The following STK3 variants were observed in gnomAD, a reference collection of about 807,000 sequenced individuals.
STK3 encodes the protein serine/threonine kinase 3.
A neutral mutation model predicts 58.0 loss-of-function variants in STK3; 41 were observed. The ratio of observed to expected loss-of-function variants is 0.71; its 90% confidence interval spans 0.55 to 0.92. The LOEUF is 0.92. Among genes scored for constraint, STK3 ranks in the 40% least tolerant of loss-of-function variants. The probability of loss-of-function intolerance (pLI) is 0.00; values close to 1 mark genes in which losing one functional copy is unlikely to be tolerated. For missense variants in STK3, 479 were observed against 602.7 expected, an observed-to-expected ratio of 0.79 and a Z score of 2.15; for synonymous variants, 170 against 191.0, an observed-to-expected ratio of 0.89 and a Z score of 0.91.
chr8:98,687,069 G>A (rs768798238), intron 6 of STK3, among the ~76,000 whole-genome samples: 31 of 152,036 alleles, frequency 2.0e-4, no homozygotes, highest in Non-Finnish European at 3.7e-4. Context: ...GCAGATACAA[G>A]AAATCCAGAT....
intron 6 of STK3, among the ~76,000 whole-genome samples, chr8:98,665,450 G>A (rs1273955311): frequency 6.6e-6 from 1 of 152,180 alleles, no homozygotes; most frequent in Non-Finnish European, 1.5e-5. Context: ...AGGCTGGAGT[G>A]CAGTGGCACA....
intron 3 of STK3, among the ~76,000 whole-genome samples, chr8:98,855,185 T>C (rs888361180): frequency 2.6e-5 from 4 of 152,228 alleles, no homozygotes; most frequent in African/African-American, 4.8e-5. Flanking sequence ...CTTAAATTCA[T>C]ATAGAGTTCA....
upstream of STK3, among the ~76,000 whole-genome samples, chr8:98,829,418 A>G (rs780481240): frequency 2.0e-4 from 30 of 152,224 alleles, no homozygotes; most frequent in Non-Finnish European, 3.7e-4. Context: ...ACACCCATAA[A>G]GAATTGTGGA....
intron 4 of STK3, among the ~76,000 whole-genome samples, chr8:98,720,690 G>A (rs577429555): frequency 2.9e-4 from 43 of 146,046 alleles, no homozygotes; most frequent in Non-Finnish European, 5.5e-4. Context: ...GGTGGAGCTT[G>A]TAGTGAGCAT....
chr8:98,680,868 T>C (rs1166183933), intron 6 of STK3, among the ~76,000 whole-genome samples: 1 of 151,978 alleles, frequency 6.6e-6, no homozygotes, highest in Non-Finnish European at 1.5e-5. Context: ...TTGAAATACA[T>C]AATAGAGTAT....
chr8:98,524,090 C>G (rs1260201403), intron 10 of STK3, among the ~76,000 whole-genome samples: 1 of 152,202 alleles, frequency 6.6e-6, no homozygotes, highest in Non-Finnish European at 1.5e-5. Flanking sequence ...GTTTTCCCAG[C>G]ACGATTTGCT....
chr8:98,387,563 ACATGGAGAAAC>A (rs1817802469), intron 1 of STK3, among the ~76,000 whole-genome samples: 1 of 152,212 alleles, frequency 6.6e-6, no homozygotes, highest in Non-Finnish European at 1.5e-5. Flanking sequence ...AGCCTGACCA[ACATGGAGAAAC>A]CCCGTCTCTA....
intron 10 of STK3, among the ~76,000 whole-genome samples, chr8:98,501,048 T>G (rs1200208661): frequency 6.6e-6 from 1 of 152,186 alleles, no homozygotes; most frequent in Non-Finnish European, 1.5e-5. Context: ...CGTTCCTATT[T>G]CTCTACATCC....
intron 3 of STK3, among the ~76,000 whole-genome samples, chr8:98,761,043 C>G (rs557541144): frequency 6.6e-6 from 1 of 152,028 alleles, no homozygotes; most frequent in Admixed American, 6.5e-5. Context: ...TGGAATCAAT[C>G]TAAGTGTCCA....
chr8:98,701,139 C>T (rs1006418651), intron 6 of STK3, among the ~76,000 whole-genome samples: 2 of 139,592 alleles, frequency 1.4e-5, no homozygotes, highest in Non-Finnish European at 3.1e-5. Context: ...CACTGCACTC[C>T]TTCCTGCCTG....
intron 1 of STK3, among the ~76,000 whole-genome samples, chr8:98,806,112 A>G (rs1447528000): frequency 6.6e-6 from 1 of 152,248 alleles, no homozygotes; most frequent in Non-Finnish European, 1.5e-5. Flanking sequence ...TATGAATTCC[A>G]TAAAGATATG....
intron 8 of STK3, among the ~76,000 whole-genome samples, chr8:98,577,521 T>A (rs1216408771): frequency 2.6e-5 from 4 of 151,962 alleles, no homozygotes; most frequent in Non-Finnish European, 5.9e-5. Flanking sequence ...ATAAATAGAA[T>A]GTGGCAGAAG....
intron 9 of STK3, among the ~76,000 whole-genome samples, chr8:98,538,422 A>C (rs761896882): frequency 2.8e-4 from 43 of 152,336 alleles, no homozygotes; most frequent in Middle Eastern, 6.8e-3. Flanking sequence ...ACCTGCACAA[A>C]GGTTAAAGAG....
At chr8:98,733,030 T>C (rs1389716670) in intron 4 of STK3, among the ~76,000 whole-genome samples, 1 of 152,190 alleles carries the variant, frequency 6.6e-6, no homozygotes, top group Non-Finnish European at 1.5e-5. Flanking sequence ...ACATTCTTCT[T>C]TGGGTAACCT....
At chr8:98,384,382 C>T (rs983905611) in intron 1 of STK3, among the ~76,000 whole-genome samples, 61 of 152,188 alleles carry the variant, frequency 4.0e-4, no homozygotes, top group African/African-American at 1.5e-3. Flanking sequence ...TTACTCCATT[C>T]TTTTGTTGCT....
At chr8:98,773,417 ACTTT>A (rs1831449465) in intron 2 of STK3, among the ~76,000 whole-genome samples, 1 of 152,052 alleles carries the variant, frequency 6.6e-6, no homozygotes, top group Admixed American at 6.5e-5. Context: ...TGCTACTATT[ACTTT>A]CTGTTTTTTT....
intron 3 of STK3, among the ~76,000 whole-genome samples, chr8:98,845,977 G>T (rs1836185144): frequency 6.6e-6 from 1 of 152,204 alleles, no homozygotes; most frequent in African/African-American, 2.4e-5. Flanking sequence ...AGTTGCTGTT[G>T]TCACTGCTGG....
At chr8:98,916,348 A>T (rs1036837557) in intron 1 of STK3, among the ~76,000 whole-genome samples, 1 of 152,108 alleles carries the variant, frequency 6.6e-6, no homozygotes, top group African/African-American at 2.4e-5. Context: ...CAGGACGCGG[A>T]GGTTGCAGTG....
chr8:98,865,983 A>T (rs1331381550), intron 3 of STK3, among the ~76,000 whole-genome samples: 1 of 152,230 alleles, frequency 6.6e-6, no homozygotes, highest in Non-Finnish European at 1.5e-5. Context: ...TCTGCAAGCA[A>T]CATTCCTGGG....
Sources: allele counts gnomAD v4.1 joint callset (sites outside exome capture counted in the v4.1 genomes callset), GRCh38; gene constraint gnomAD v4.1.1; transcripts MANE v1.5; gene names NCBI Gene and HGNC (gene_info 2026-07-23, HGNC 2026-07-21).